AGBL1: variants seen among roughly 807,000 people sequenced by gnomAD.
AGBL1 encodes AGBL carboxypeptidase 1.
A neutral mutation model predicts 118.9 loss-of-function variants in AGBL1; 130 were observed. The observed-to-expected ratio is 1.09, with a 90% CI of 0.95 to 1.26. The LOEUF (loss-of-function observed/expected upper bound fraction) is 1.26. AGBL1 is among the 50% of genes most tolerant of loss of function. AGBL1 has a pLI of 0.00. For synonymous variants in AGBL1, 555 were observed against 478.9 expected, an observed-to-expected ratio of 1.16 and a Z score of -2.08; for missense variants, 1,584 against 1,298.1, an observed-to-expected ratio of 1.22 and a Z score of -3.38.
chr15:86,651,253 C>A (rs2085363769), intron 21 of AGBL1, among the ~76,000 whole-genome samples: 1 of 152,098 alleles, frequency 6.6e-6, no homozygotes, highest in African/African-American at 2.4e-5. Flanking sequence ...GATGTGGGCC[C>A]TGCAGGGGTC....
chr15:86,917,873 G>A (rs553178097), downstream of AGBL1, among the ~76,000 whole-genome samples: 27 of 148,628 alleles, frequency 1.8e-4, no homozygotes, highest in African/African-American at 6.6e-4. This position sits in a 1 kb window ranked among gnomAD's most constrained non-coding sequence, Gnocchi z 4.8. Flanking sequence ...TCATAAAAAA[G>A]TGATGTCCAG....
chr15:86,953,801 T>C (rs547362551), intron 23 of AGBL1, among the ~76,000 whole-genome samples: 1 of 152,316 alleles, frequency 6.6e-6, no homozygotes, highest in East Asian at 1.9e-4. Flanking sequence ...AAGTCGTTTA[T>C]TAGTTCTAGG....
At chr15:86,833,206 T>C (rs572814217) in intron 22 of AGBL1, among the ~76,000 whole-genome samples, 2 of 152,132 alleles carry the variant, frequency 1.3e-5, no homozygotes, top group African/African-American at 4.8e-5. Context: ...AGCCAAACCA[T>C]ATCACCCATT....
At chr15:86,967,761 A>G in intron 23 of AGBL1, among the ~76,000 whole-genome samples, 1 of 152,124 alleles carries the variant, frequency 6.6e-6, no homozygotes, top group Non-Finnish European at 1.5e-5. Flanking sequence ...ACGTAGCATG[A>G]TGCCTCCAGC....
chr15:86,763,735 T>G (rs1459933885), intron 22 of AGBL1, among the ~76,000 whole-genome samples: 1 of 152,018 alleles, frequency 6.6e-6, no homozygotes, highest in Non-Finnish European at 1.5e-5. Flanking sequence ...AACCTGTGAC[T>G]TCAGACAAGT....
chr15:86,082,757 A>T (rs780245771), intron 1 of AGBL1, among the ~76,000 whole-genome samples: 3 of 152,212 alleles, frequency 2.0e-5, no homozygotes, highest in South Asian at 2.1e-4. Context: ...TGAGAATCAG[A>T]TTTCTACCCA....
At position 86,954,052 on chromosome 15, in the gene AGBL1, C is replaced by T. The variant is rs150391573; in HGVS notation, c.3222-33935C>T. Among the ~76,000 whole-genome samples the T allele has an allele frequency of 3.8e-3, 578 of 152,218 alleles. 4 individuals carry two copies. Among genetic ancestry groups the T allele is most frequent in the African/African-American group, 0.013 (559 of 41,536 alleles). ...AACCACAATGAGTTACCATCTCACA[C>T]CAGTCTGGCTATTAATAAAATTCAG... is the stretch of plus-strand genomic sequence containing the variant. On this transcript the variant is annotated intron_variant, in intron 23 of 24. Coordinates refer to the AGBL1 transcript ENST00000441037.
chr15:86,569,412 G>A (rs1357350588), intron 21 of AGBL1, among the ~76,000 whole-genome samples: 11 of 142,868 alleles, frequency 7.7e-5, no homozygotes, highest in East Asian at 2.0e-4. Context: ...AGAAAACAAG[G>A]AAAAAAAAAA....
intron 6 of AGBL1, among the ~76,000 whole-genome samples, chr15:86,236,751 T>A (rs752322491): frequency 7.7e-4 from 115 of 149,962 alleles, no homozygotes; most frequent in Non-Finnish European, 8.0e-4. Context: ...GAAACCAGAG[T>A]GCGGCAGAAA....
chr15:86,744,637 G>A (rs982143572), intron 22 of AGBL1, among the ~76,000 whole-genome samples: 4 of 152,026 alleles, frequency 2.6e-5, no homozygotes, highest in Non-Finnish European at 5.9e-5. Context: ...CACCCCCAGA[G>A]GGGGGGAGGA....
At chr15:86,524,232 C>G (rs150499300) in intron 19 of AGBL1, among the ~76,000 whole-genome samples, 13 of 152,302 alleles carry the variant, frequency 8.5e-5, no homozygotes, top group African/African-American at 2.9e-4. Flanking sequence ...AACATAGCCT[C>G]TCTTCATTAC....
intron 17 of AGBL1, among the ~76,000 whole-genome samples, chr15:86,329,196 C>A (rs1011550913): frequency 6.6e-6 from 1 of 152,094 alleles, no homozygotes; most frequent in African/African-American, 2.4e-5. Context: ...CCCCTGAGTT[C>A]GTGGTCCAGC....
At chr15:86,085,805 T>C (rs1895609173) in intron 1 of AGBL1, among the ~76,000 whole-genome samples, 1 of 152,192 alleles carries the variant, frequency 6.6e-6, no homozygotes, top group South Asian at 2.1e-4. Context: ...TAATTTGTTA[T>C]TTTAGGGGCA....
intron 22 of AGBL1, among the ~76,000 whole-genome samples, chr15:86,785,112 A>G (rs1039999875): frequency 3.3e-5 from 5 of 152,194 alleles, no homozygotes; most frequent in African/African-American, 1.2e-4. Context: ...CCTAAGGTGC[A>G]CTCTCTGCCC....
At chr15:87,009,633 C>A (rs906805764) in intron 24 of AGBL1, among the ~76,000 whole-genome samples, 25 of 149,744 alleles carry the variant, frequency 1.7e-4, no homozygotes, top group Middle Eastern at 6.8e-3. Context: ...GGAAAAGCCA[C>A]AGACACTCAA....
At chr15:86,157,744 A>T (rs8043095) in intron 4 of AGBL1, among the ~76,000 whole-genome samples, 403 of 152,300 alleles carry the variant, frequency 2.6e-3, no homozygotes, top group African/African-American at 9.4e-3. Context: ...AACAGCTCCT[A>T]TCTTCAGAAG....
chr15:86,541,162 ATAG>A lies in AGBL1; in HGVS notation c.2686-4836_2686-4834del, dbSNP rs2083489485. 3.3e-5 allele frequency among the ~76,000 whole-genome samples: 5 copies of A among 152,206 alleles called. No homozygotes were observed. In the South Asian group the frequency reaches 1.0e-3, roughly 31 times the overall value. On this transcript the variant is annotated intron_variant, in intron 19 of 22. Transcript: ENST00000614907. ...GGTAAAAGTTGGTGGAAAATTAGTG[ATAG>A]TAGAGGATTAAACCTCAAACAATTA...
At chr15:86,081,113 G>C (rs1037016930) in intron 1 of AGBL1, among the ~76,000 whole-genome samples, 1 of 152,034 alleles carries the variant, frequency 6.6e-6, no homozygotes, top group Non-Finnish European at 1.5e-5. Flanking sequence ...GTGTGATCTC[G>C]ACTCACTACA....
intron 17 of AGBL1, among the ~76,000 whole-genome samples, chr15:86,383,433 C>A (rs559031453): frequency 4.6e-5 from 7 of 151,462 alleles, no homozygotes; most frequent in Admixed American, 1.3e-4. Flanking sequence ...ACTAAAAATG[C>A]AAAAATTAGT....
Sources: gnomAD v4.1 joint callset for allele counts (sites outside exome capture counted in the v4.1 genomes callset) on GRCh38, gnomAD v4.1.1 for gene constraint, Gnocchi (gnomAD v3.1) non-coding constraint, MANE v1.5 for transcripts, NCBI Gene and HGNC (gene_info 2026-07-23, HGNC 2026-07-21) for gene names.